The following AMN1 variants were observed in gnomAD, a reference collection of about 807,000 sequenced individuals.
AMN1 encodes the protein antagonist of mitotic exit network 1 homolog, also known as protein AMN1 homolog.
Under a neutral mutation model 33.0 loss-of-function variants are expected in AMN1, and 20 were observed. That is an observed-to-expected ratio of 0.61 (90% CI 0.43 to 0.88). The LOEUF (loss-of-function observed/expected upper bound fraction) is 0.88, where lower values mean the gene tolerates loss of function less well. Among genes scored for constraint, AMN1 ranks in the 40% least tolerant of loss-of-function variants. AMN1 has a pLI of 0.00. For missense variants in AMN1, 246 were observed against 307.4 expected (o/e 0.80, Z 1.49); for synonymous variants, 114 against 111.9 (o/e 1.02, Z -0.12).
intron 6 of AMN1, among the ~76,000 whole-genome samples, chr12:31,680,385 G>C (rs946427354): frequency 9.2e-5 from 14 of 151,944 alleles, no homozygotes; most frequent in Admixed American, 9.2e-4. Flanking sequence ...ATTTTTAGTA[G>C]AGACGGGGTT....
intron 6 of AMN1, among the ~76,000 whole-genome samples, chr12:31,682,416 C>T (rs532031259): frequency 3.3e-5 from 5 of 150,048 alleles, no homozygotes; most frequent in African/African-American, 9.8e-5. Flanking sequence ...CAGTGTAGGG[C>T]GGCCACTACT....
chr12:31,717,899 GTGTGATGTTCCCC>G (rs1343820975), intron 1 of AMN1, among the ~76,000 whole-genome samples: 1 of 152,002 alleles, frequency 6.6e-6, no homozygotes, highest in Non-Finnish European at 1.5e-5. Flanking sequence ...AGGCCCCAGT[GTGTGATGTTCCCC>G]TCCCTGTGTC....
At chr12:31,680,481 CGT>C (rs1937958772) in intron 6 of AMN1, among the ~76,000 whole-genome samples, 1 of 152,168 alleles carries the variant, frequency 6.6e-6, no homozygotes, top group Non-Finnish European at 1.5e-5. Flanking sequence ...GGATTACAGG[CGT>C]GAGCCACCAT....
At chr12:31,715,548 C>G in intron 1 of AMN1, 1 of 164,264 alleles carries the variant, frequency 6.1e-6, no homozygotes, top group South Asian at 1.5e-4. Flanking sequence ...ACTTCTTTCT[C>G]CTGCTCTCAT....
intron 2 of AMN1, among the ~76,000 whole-genome samples, chr12:31,703,743 T>C (rs1448406623): frequency 6.6e-6 from 1 of 152,192 alleles, no homozygotes; most frequent in Non-Finnish European, 1.5e-5. Context: ...TAGATTGTGG[T>C]TGTATATTAT....
intron 6 of AMN1, among the ~76,000 whole-genome samples, chr12:31,686,801 A>C (rs1236433792): frequency 6.6e-6 from 1 of 152,156 alleles, no homozygotes; most frequent in African/African-American, 2.4e-5. Context: ...TAAAGTCGAA[A>C]AACTGTAAAT....
chr12:31,723,705 G>GT (rs1939959933), intron 1 of AMN1, among the ~76,000 whole-genome samples: 1 of 152,186 alleles, frequency 6.6e-6, no homozygotes, highest in Admixed American at 6.5e-5. Context: ...TTCTTTATGT[G>GT]TTGTCTGTGG....
chr12:31,707,172 T>C (rs187438635), intron 2 of AMN1, among the ~76,000 whole-genome samples: 2 of 152,300 alleles, frequency 1.3e-5, no homozygotes, highest in South Asian at 2.1e-4. Context: ...ATTTTTTCAG[T>C]AAAATAAGAC....
At position 31,687,296 on chromosome 12, in the gene AMN1, C is replaced by A. The variant is rs555621585; in HGVS notation, c.703+1711G>T. Among the ~76,000 whole-genome samples, 2 of 152,268 alleles carry A rather than the reference C, an allele frequency of 1.3e-5. No homozygotes were observed. The highest frequency in any genetic ancestry group is 6.5e-5 in the Admixed American group (1 of 15,288). On this transcript the variant is annotated intron_variant, in intron 6 of 6. Transcript: ENST00000281471. The surrounding 1 kb of genome is among the most constrained non-coding windows in gnomAD (Gnocchi z 4.1). Reference sequence around the variant, plus strand: ...TGGTTACAGCCTTGGTTAAGGCTGGCAACCTAAAAATAAAAAAGAGAAGTT... The same window carrying A: ...TGGTTACAGCCTTGGTTAAGGCTGGAAACCTAAAAATAAAAAAGAGAAGTT...
At chr12:31,675,386 C>G (rs1951365550) in intron 6 of AMN1, among the ~76,000 whole-genome samples, 1 of 151,784 alleles carries the variant, frequency 6.6e-6, no homozygotes, top group Non-Finnish European at 1.5e-5. Context: ...CACCACTGCA[C>G]TCCAGCCTGA....
intron 1 of AMN1, among the ~76,000 whole-genome samples, chr12:31,728,594 G>A (rs1410757329): frequency 6.6e-6 from 1 of 152,216 alleles, no homozygotes; most frequent in Non-Finnish European, 1.5e-5. Context: ...TCCAGTTACA[G>A]GGGTGGAATT....
chr12:31,697,061 C>T (rs1192151574), intron 5 of AMN1, among the ~76,000 whole-genome samples: 2 of 151,948 alleles, frequency 1.3e-5, no homozygotes, highest in African/African-American at 2.4e-5. Flanking sequence ...TATCACTTTA[C>T]ACTGATAAAC....
chr12:31,689,917 C>T (rs538913071), intron 5 of AMN1, among the ~76,000 whole-genome samples: 8 of 152,284 alleles, frequency 5.3e-5, no homozygotes, highest in Admixed American at 1.3e-4. Context: ...CCTTCCCACC[C>T]TTTCCCCCTG....
In AMN1 at chr12:31,715,365, GA is replaced by G. The variant is rs916972802; in HGVS notation, c.39-5941del. 3.2e-4 allele frequency: 70 copies of G among 217,120 alleles called. 1 individual carries two copies. In the Middle Eastern group the frequency reaches 4.5e-3, roughly 14 times the overall value. 13.4% of individuals were successfully genotyped at this position (217,120 alleles called of 1,614,324 possible). ...TAGTCAGCTTCAGCCTCATCACCAG[GA>G]TCTCTGGATTCTTTGCTCTTCCGCA... On this transcript the variant is annotated intron_variant, in intron 1 of 6. Coordinates refer to ENST00000281471, the MANE Select transcript of AMN1 (RefSeq NM_001113402.2).
intron 2 of AMN1, among the ~76,000 whole-genome samples, chr12:31,703,966 T>C (rs1939115030): frequency 6.6e-6 from 1 of 152,192 alleles, no homozygotes; most frequent in African/African-American, 2.4e-5. Context: ...ACAGGATATG[T>C]TGTGAGAAAT....
chr12:31,706,136 C>A (rs1300019047), intron 2 of AMN1, among the ~76,000 whole-genome samples: 3 of 151,914 alleles, frequency 2.0e-5, no homozygotes, highest in Non-Finnish European at 4.4e-5. Flanking sequence ...CATGGTGAAA[C>A]CCCGTCTCTA....
chr12:31,673,962 C>T (rs1237789660), intron 6 of AMN1, among the ~76,000 whole-genome samples: 1 of 151,356 alleles, frequency 6.6e-6, no homozygotes, highest in East Asian at 1.9e-4. Context: ...TCTCACTGGG[C>T]TAAAATCAGG....
intron 2 of AMN1, among the ~76,000 whole-genome samples, chr12:31,706,954 A>C (rs929790949): frequency 1.6e-4 from 24 of 151,960 alleles, no homozygotes; most frequent in African/African-American, 5.8e-4. Context: ...GAGAGGCCAA[A>C]TATATTAATA....
Position 31,697,817 on chromosome 12 carries a change from T to C in AMN1, c.457A>G (p.Ser153Gly). Reference sequence around the variant, plus strand: ...GCATGTAAGGACACATCAGTAATACTTAAGCAGCCACCTAAATCGATGATC... The same window carrying C: ...GCATGTAAGGACACATCAGTAATACCTAAGCAGCCACCTAAATCGATGATC... ...LKIIDLGGCLSITDVSLHALG... is the reference protein window; with the variant it reads ...LKIIDLGGCLGITDVSLHALG... The change falls in exon 4 of 7, where the codon AGT (serine) becomes GGT (glycine). Residue 153 changes from serine (S) to glycine (G), a missense_variant. Physicochemically the swap from Ser to Gly is moderately conservative, Grantham distance 56. Coordinates refer to ENST00000281471, the MANE Select transcript of AMN1 (RefSeq NM_001113402.2). 1.2e-6 allele frequency: 2 copies of C among 1,614,044 alleles called. No individual in the cohort carries two copies. Among genetic ancestry groups the C allele is most frequent in the South Asian group, 1.1e-5 (1 of 91,090 alleles).
Sources: allele counts gnomAD v4.1 joint callset (sites outside exome capture counted in the v4.1 genomes callset), GRCh38; gene constraint gnomAD v4.1.1; non-coding constraint Gnocchi (gnomAD v3.1); transcripts MANE v1.5; gene names NCBI Gene and HGNC (gene_info 2026-07-23, HGNC 2026-07-21).